The following NRG3 variants were observed in gnomAD, a reference collection of about 807,000 sequenced individuals.
The protein encoded by NRG3 is pro-neuregulin-3, membrane-bound isoform.
Under a neutral mutation model 66.9 loss-of-function variants are expected in NRG3, and 31 were observed. The observed-to-expected ratio is 0.46, with a 90% confidence interval of 0.35 to 0.63. The LOEUF is 0.63. Ranked by LOEUF, NRG3 falls within the 20% of genes least tolerant of loss-of-function variation. The pLI, the probability that NRG3 is intolerant of heterozygous loss-of-function variation, is 0.00. For synonymous variants in NRG3, 393 were observed against 359.4 expected (o/e 1.09, Z -1.06); for missense variants, 910 against 878.9 (o/e 1.04, Z -0.45).
intron 3 of NRG3, among the ~76,000 whole-genome samples, chr10:82,773,696 T>G (rs931551454): frequency 3.3e-5 from 5 of 152,158 alleles, no homozygotes; most frequent in Admixed American, 2.6e-4. Context: ...ATCAATTAAT[T>G]AATTTTCTTA....
rs147856045 is a variant in NRG3 at position 82,200,927 on chromosome 10, T to G, written c.824-157812T>G. 0.012 allele frequency among the ~76,000 whole-genome samples: 1,856 copies of G among 151,986 alleles called. 79 individuals carry two copies. The East Asian group carries it at 0.14, about 11-fold the overall frequency. ...TAAAGAGACAGCTGGGCCGGGCACG[T>G]TGGCTCACACCTGTAATCCCAGCAC... On this transcript the variant is annotated intron_variant, in intron 1 of 8. Coordinates refer to ENST00000372141, the MANE Select transcript of NRG3 (RefSeq NM_001010848.4).
chr10:82,174,056 C>T (rs932512), intron 1 of NRG3, among the ~76,000 whole-genome samples: 13,014 of 152,140 alleles, frequency 0.086, 843 homozygotes, highest in East Asian at 0.22. Flanking sequence ...CGGAAATTAC[C>T]TGGAGTCCGT....
chr10:82,738,744 T>C (rs1413202549), intron 3 of NRG3, 94 bp downstream of exon 3: 10 of 1,089,116 alleles, frequency 9.2e-6, no homozygotes, highest in Non-Finnish European at 1.4e-5. Flanking sequence ...TATATTTCAG[T>C]CTTGTGTCTC....
At chr10:82,358,020 C>A (rs1473878759) in intron 1 of NRG3, among the ~76,000 whole-genome samples, 2 of 152,032 alleles carry the variant, frequency 1.3e-5, no homozygotes, top group Admixed American at 1.3e-4. Flanking sequence ...TTATAGATAG[C>A]ACTTATTTAT....
intron 1 of NRG3, among the ~76,000 whole-genome samples, chr10:82,327,976 C>T (rs1235356097): frequency 1.3e-5 from 2 of 152,178 alleles, no homozygotes; most frequent in African/African-American, 4.8e-5. Context: ...TAAGGGACCT[C>T]TTCTTAGGAT....
At chr10:82,045,399 C>G (rs2063232844) in intron 1 of NRG3, among the ~76,000 whole-genome samples, 1 of 101,438 alleles carries the variant, frequency 9.9e-6, no homozygotes, top group African/African-American at 3.1e-5. Flanking sequence ...CCTTCGCCCA[C>G]TTTTTGATGG....
chr10:82,181,003 G>A (rs1212011607), intron 1 of NRG3, among the ~76,000 whole-genome samples: 1 of 151,596 alleles, frequency 6.6e-6, no homozygotes, highest in Non-Finnish European at 1.5e-5. Context: ...TTTAGTCTTG[G>A]TAGACTGAAT....
chr10:82,850,202 G>A (rs1481883104), intron 3 of NRG3, among the ~76,000 whole-genome samples: 1 of 152,170 alleles, frequency 6.6e-6, no homozygotes, highest in Non-Finnish European at 1.5e-5. Flanking sequence ...CACCTTAGAG[G>A]GGACATTGAA....
At position 82,137,627 on chromosome 10, in the gene NRG3, G is replaced by A. The variant is rs566708313; in HGVS notation, c.824-221112G>A. Among the ~76,000 whole-genome samples the A allele has an allele frequency of 6.6e-4, 100 of 152,238 alleles. 1 individual carries two copies. The highest frequency in any genetic ancestry group is 2.1e-3 in the African/African-American group (86 of 41,560). On this transcript the variant is annotated intron_variant, in intron 1 of 8. Transcript: ENST00000372141. ...ATAGAACTAATTGATTCAAGAAAACGGCATTTAGTGAAATTGAAATATCAG... is the reference window on the plus strand; with the variant it reads ...ATAGAACTAATTGATTCAAGAAAACAGCATTTAGTGAAATTGAAATATCAG...
intron 1 of NRG3, among the ~76,000 whole-genome samples, chr10:82,341,969 G>GTTAC (rs1405991775): frequency 1.3e-5 from 2 of 151,808 alleles, no homozygotes; most frequent in Non-Finnish European, 2.9e-5. Flanking sequence ...TGGTGTTTTG[G>GTTAC]TTACTAAGCC....
intron 2 of NRG3, among the ~76,000 whole-genome samples, chr10:82,613,449 AT>A (rs2048435786): frequency 6.6e-6 from 1 of 151,280 alleles, no homozygotes; most frequent in South Asian, 2.1e-4. Context: ...TTAATTATTT[AT>A]TTTTTCCATC....
At chr10:82,088,544 G>T (rs2065852705) in intron 1 of NRG3, among the ~76,000 whole-genome samples, 1 of 152,132 alleles carries the variant, frequency 6.6e-6, no homozygotes, top group South Asian at 2.1e-4. Context: ...CTCTGTTTAT[G>T]TAAGTAATTT....
At chr10:82,639,099 T>C (rs935084269) in intron 2 of NRG3, among the ~76,000 whole-genome samples, 8 of 152,232 alleles carry the variant, frequency 5.3e-5, no homozygotes, top group African/African-American at 1.9e-4. Flanking sequence ...GTATGAAGGC[T>C]TTAAGCCAAA....
At chr10:82,396,218 G>A (rs1425221369) in intron 2 of NRG3, among the ~76,000 whole-genome samples, 4 of 151,862 alleles carry the variant, frequency 2.6e-5, no homozygotes, top group Non-Finnish European at 5.9e-5. Context: ...GTCCTCCCTC[G>A]CTGCCTCTGG....
chr10:82,069,421 G>T (rs1263851949), intron 1 of NRG3, among the ~76,000 whole-genome samples: 3 of 152,152 alleles, frequency 2.0e-5, no homozygotes, highest in African/African-American at 7.2e-5. Context: ...AATGGGTGAG[G>T]CACCGGGCAC....
rs571201699 is a variant in NRG3, at chr10:82,029,101, C to T, written c.823+152938C>T. 1.3e-4 allele frequency among the ~76,000 whole-genome samples: 20 copies of T among 151,800 alleles called. No individual in the cohort carries two copies. In the East Asian group the frequency reaches 2.2e-3, roughly 16 times the overall value. ...GTGGGCGCTTGTAATCCCAGCTGCT[C>T]GGGAGGCTGAGGCAGGAGAATTGCT... On this transcript the variant is annotated intron_variant, in intron 1 of 8. Transcript: ENST00000372141.
chr10:82,497,342 T>C (rs1411274042), intron 2 of NRG3, among the ~76,000 whole-genome samples: 2 of 152,212 alleles, frequency 1.3e-5, no homozygotes, highest in Non-Finnish European at 2.9e-5. Context: ...TGCACACTTA[T>C]ACAAAATGAG....
At chr10:81,891,234 G>A (rs1275087916) in intron 1 of NRG3, among the ~76,000 whole-genome samples, 2 of 152,138 alleles carry the variant, frequency 1.3e-5, no homozygotes, top group East Asian at 3.9e-4. Context: ...AAAAAGGTTT[G>A]TTGTCATGTG....
chr10:82,324,717 C>T (rs2081769272), intron 1 of NRG3, among the ~76,000 whole-genome samples: 1 of 152,034 alleles, frequency 6.6e-6, no homozygotes, highest in Non-Finnish European at 1.5e-5. Context: ...TTGACATTTC[C>T]CTGATATCAT....
Sources: allele counts gnomAD v4.1 joint callset (sites outside exome capture counted in the v4.1 genomes callset), GRCh38; gene constraint gnomAD v4.1.1; transcripts MANE v1.5; gene names NCBI Gene and HGNC (gene_info 2026-07-23, HGNC 2026-07-21).